FANCE: variants seen among roughly 807,000 people sequenced by gnomAD.
FANCE encodes Fanconi anemia group E protein.
Under a neutral mutation model 57.8 loss-of-function variants are expected in FANCE, and 42 were observed. The ratio of observed to expected loss-of-function variants is 0.73; its 90% CI spans 0.57 to 0.94. The LOEUF (loss-of-function observed/expected upper bound fraction) is 0.94. Among genes scored for constraint, FANCE ranks in the 40% least tolerant of loss-of-function variants. The pLI is 0.00. For missense variants in FANCE, 608 were observed against 661.8 expected, an observed-to-expected ratio of 0.92 and a Z score of 0.89; for synonymous variants, 251 against 286.4, an observed-to-expected ratio of 0.88 and a Z score of 1.25.
At chr6:35,465,165 ATATGTATG>A (rs748699969) in intron 9 of FANCE, among the ~76,000 whole-genome samples, 1 of 151,566 alleles carries the variant, frequency 6.6e-6, no homozygotes, top group African/African-American at 2.4e-5. Flanking sequence ...GGAGCTGTAT[ATATGTATG>A]TATGTATGTA....
At position 35,466,681 on chromosome 6, in the gene FANCE, C is replaced by T. The variant is rs530003616; in HGVS notation, c.*336C>T. The T allele has an allele frequency of 2.4e-6, 1 of 421,252 alleles. No homozygotes were observed. The highest frequency in any genetic ancestry group is 2.3e-5 in the South Asian group (1 of 43,306). The allele number at this position is 421,252 out of a possible 1,614,324, so 26.1% of individuals were successfully genotyped here. The stretch of plus-strand genomic sequence containing the variant: ...CCTCCCAGGCTCGATCCTCCCATGT[C>T]AGCCTCCCAAGTAGCTGGGACTACA... On this transcript the variant is annotated 3_prime_UTR_variant, in exon 10 of 10. Coordinates refer to ENST00000229769, the MANE Select transcript of FANCE (RefSeq NM_021922.3).
Position 35,454,497 on chromosome 6 carries a change from A to G in FANCE, c.249-1250A>G, listed in dbSNP as rs1401854892. Among the ~76,000 whole-genome samples the G allele has an allele frequency of 2.0e-5, 3 of 152,178 alleles. No homozygotes were observed. In the East Asian group the frequency reaches 5.8e-4, roughly 29 times the overall value. On this transcript the variant is annotated intron_variant, in intron 1 of 9. Coordinates refer to ENST00000229769, the MANE Select transcript of FANCE (RefSeq NM_021922.3). ...TGTTGACAAACGGCCCTGCAAAATT[A>G]TGCATAGGGAGGAGTAGAGACGTGA...
At chr6:35,459,815 A>G in intron 7 of FANCE, 55 bp downstream of exon 7, 1 of 1,505,158 alleles carries the variant, frequency 6.6e-7, no homozygotes, top group South Asian at 1.1e-5. Flanking sequence ...CCCAGGCTAG[A>G]GTGACATCAC....
Position 35,456,173 on chromosome 6 carries a change from GGAA to G in FANCE, c.681_683del (p.Glu227del), listed in dbSNP as rs777249237. ...CCAAAAGATTACGGTGTTGGGAAGA[GGAA>G]GAAGATCATGAGAAGGAGAGACCCG... is the stretch of plus-strand genomic sequence containing the variant. On this transcript the variant is annotated inframe_deletion, in exon 2 of 10. Coordinates refer to ENST00000229769, the MANE Select transcript of FANCE (RefSeq NM_021922.3). This position sits in a 1 kb window ranked among gnomAD's most constrained non-coding sequence, Gnocchi z 4.3. 9.3e-6 allele frequency: 15 copies of G among 1,614,076 alleles called. No individual in the cohort carries two copies. The African/African-American group carries it at 1.5e-4, about 16-fold the overall frequency.
In FANCE at chr6:35,462,848, G is replaced by A. The variant is rs1767645968; in HGVS notation, c.1443G>A (p.Leu481=). ...TGGAGAAGCTCTGTAAAAAGGGGCT[G>A]GCAGCCACCACCTCCATGGCCTATG... ...VLMEKLCKKG[L]AATTSMAYAK... Residue 481 remains leucine (L), a synonymous_variant, in exon 9 of 10, where the codon CTG becomes CTA. Transcript: ENST00000229769. 6.2e-7 allele frequency: 1 copy of A among 1,614,220 alleles called. No individual in the cohort carries two copies. The highest frequency in any genetic ancestry group is 2.2e-5 in the East Asian group (1 of 44,882).
intron 1 of FANCE, among the ~76,000 whole-genome samples, chr6:35,453,763 G>T (rs1256790999): frequency 6.6e-6 from 1 of 152,196 alleles, no homozygotes; most frequent in Non-Finnish European, 1.5e-5. Context: ...AGGAGAACTT[G>T]TCTGAATCCC....
chr6:35,459,967 G>A (rs1247866638), intron 7 of FANCE, among the ~76,000 whole-genome samples: 1 of 151,956 alleles, frequency 6.6e-6, no homozygotes, highest in Non-Finnish European at 1.5e-5. Context: ...ATTTTTTAGG[G>A]GATCCTTGTG....
intron 8 of FANCE, among the ~76,000 whole-genome samples, chr6:35,462,486 G>A (rs997508851): frequency 4.6e-5 from 7 of 152,126 alleles, no homozygotes; most frequent in Non-Finnish European, 8.8e-5. Flanking sequence ...TTTAACCACT[G>A]AACCAGATGA....
intron 1 of FANCE, among the ~76,000 whole-genome samples, 159 bp from the exon 2 acceptor site, chr6:35,455,588 G>C (rs1220287452): frequency 1.3e-5 from 2 of 152,044 alleles, no homozygotes; most frequent in Non-Finnish European, 2.9e-5. Flanking sequence ...TATAATTACA[G>C]GTGTGAGTCA....
rs1222569586 is a variant in FANCE, at chr6:35,462,665, T to C, written c.1384-124T>C. 12 of 1,278,636 alleles carry C rather than the reference T, an allele frequency of 9.4e-6. No homozygotes were observed. The East Asian group carries it at 2.9e-4, about 31-fold the overall frequency. 79.2% of individuals were successfully genotyped at this position (1,278,636 alleles called of 1,614,324 possible). A position where few individuals can be genotyped will look rare whatever the true frequency, so the allele number is the denominator to read the frequency against. On this transcript the variant is annotated intron_variant, in intron 8 of 9. Transcript: ENST00000229769. The stretch of plus-strand genomic sequence containing the variant: ...ATATGGAAATGGAGGTTTAGGTTGG[T>C]TAAGTTACCTGCCCAGGGTCACCTA...
chr6:35,462,233 G>C (rs1049266858), intron 8 of FANCE, among the ~76,000 whole-genome samples: 2 of 151,782 alleles, frequency 1.3e-5, no homozygotes, highest in Non-Finnish European at 2.9e-5. Flanking sequence ...TCAGCCCCCT[G>C]AGTAGCTGGG....
Position 35,452,661 on chromosome 6 carries a change from G to GGGCGC in FANCE, c.125_129dup (p.Leu44AlafsTer42). 2 of 1,244,014 alleles carry GGGCGC rather than the reference G, an allele frequency of 1.6e-6. No individual in the cohort carries two copies. Among genetic ancestry groups the GGGCGC allele is most frequent in the African/African-American group, 1.6e-5 (1 of 64,352 alleles). The allele number at this position is 1,244,014 out of a possible 1,614,324, so 77.1% of individuals were successfully genotyped here. On this transcript the variant is annotated frameshift_variant, in exon 1 of 10. Coordinates refer to ENST00000229769, the MANE Select transcript of FANCE (RefSeq NM_021922.3). LOFTEE classifies it high-confidence loss of function. ...CAGGCGCTGCAGGCGGGGCCTGAGG[G>GGGCGC]GGCGCGGCGCGGCCTGGGGGTGCTC... is the stretch of plus-strand genomic sequence containing the variant.
chr6:35,452,755 G>A lies in FANCE; in HGVS notation c.210G>A (p.Glu70=), dbSNP rs1008512809. 33 of 1,276,314 alleles carry A rather than the reference G, an allele frequency of 2.6e-5. No homozygotes were observed. Among genetic ancestry groups the A allele is most frequent in the Admixed American group, 3.9e-5 (1 of 25,896 alleles). 79.1% of individuals were successfully genotyped at this position (1,276,314 alleles called of 1,614,324 possible). ...GCTTGCTCGAGGCCCTGTGCCGGGA[G>A]GAGCCGGTCGTGCAGGGGCCTGACG... ...WGRLLEALCR[E]EPVVQGPDGR... Residue 70 remains glutamate, a synonymous_variant, in exon 1 of 10, where the codon GAG becomes GAA. Coordinates refer to ENST00000229769, the MANE Select transcript of FANCE (RefSeq NM_021922.3).
intron 1 of FANCE, 60 bp downstream of exon 1, chr6:35,452,853 G>C (rs1767167706): frequency 7.9e-7 from 1 of 1,261,384 alleles, no homozygotes; most frequent in Non-Finnish European, 1.0e-6. Flanking sequence ...TCGGGGGAAC[G>C]ACACACACAG....
chr6:35,452,433 A>G lies in FANCE; in HGVS notation c.-113A>G. ...GAGGAGAGCTTGTAACAGGCGCTGG[A>G]GCTGGCCCGCCACCGCCGCGTCAGG... On this transcript the variant is annotated 5_prime_UTR_variant, in exon 1 of 10. Coordinates refer to ENST00000229769, the MANE Select transcript of FANCE (RefSeq NM_021922.3). 1 of 1,086,362 alleles carries G rather than the reference A, an allele frequency of 9.2e-7. No homozygotes were observed. The highest frequency in any genetic ancestry group is 1.2e-6 in the Non-Finnish European group (1 of 864,836). 67.3% of individuals were successfully genotyped at this position (1,086,362 alleles called of 1,614,324 possible).
chr6:35,465,337 C>A (rs1318259962), intron 9 of FANCE, among the ~76,000 whole-genome samples: 1 of 152,070 alleles, frequency 6.6e-6, no homozygotes, highest in Non-Finnish European at 1.5e-5. Context: ...CCACGCCCAG[C>A]TAGTTTTTGT....
chr6:35,464,112 G>T (rs1298873918), intron 9 of FANCE, among the ~76,000 whole-genome samples: 2 of 151,950 alleles, frequency 1.3e-5, no homozygotes, highest in African/African-American at 2.4e-5. Flanking sequence ...GAGAATGGAT[G>T]GTGGTGGGGG....
rs1185107943 is a variant in FANCE at position 35,456,359 on chromosome 6, T to G, written c.855+6T>G. On this transcript the variant is annotated splice_donor_region_variant and intron_variant, in intron 2 of 9. Coordinates refer to ENST00000229769, the MANE Select transcript of FANCE (RefSeq NM_021922.3). This position sits in a 1 kb window ranked among gnomAD's most constrained non-coding sequence, Gnocchi z 4.3. Reference sequence around the variant, plus strand: ...AGTTGCCCAAAGCTATCCAGGTACTTTGGTAGGGAGACTGGGTTTAGAGTG... The same window carrying G: ...AGTTGCCCAAAGCTATCCAGGTACTGTGGTAGGGAGACTGGGTTTAGAGTG... 2.5e-6 allele frequency: 4 copies of G among 1,613,974 alleles called. No individual in the cohort carries two copies. In the African/African-American group the frequency reaches 4.0e-5, roughly 16 times the overall value.
Position 35,452,790 on chromosome 6 carries a change from A to G in FANCE, c.245A>G (p.Glu82Gly). 6 of 1,311,166 alleles carry G rather than the reference A, an allele frequency of 4.6e-6. No homozygotes were observed. The highest frequency in any genetic ancestry group is 2.0e-5 in the South Asian group (1 of 48,972). 81.2% of individuals were successfully genotyped at this position (1,311,166 alleles called of 1,614,324 possible). A position where few individuals can be genotyped will look rare whatever the true frequency, so the allele number is the denominator to read the frequency against. Residue 82 changes from glutamate to glycine, a missense_variant, in exon 1 of 10, where the codon GAG becomes GGG. Physicochemically the swap from Glu to Gly is moderately conservative, Grantham distance 98. Coordinates refer to ENST00000229769, the MANE Select transcript of FANCE (RefSeq NM_021922.3). ...PVVQGPDGRL[E>G]LKPLLLRLPR... is the part of the protein sequence containing the mutation. ...GTGCAGGGGCCTGACGGCCGTCTGGAGCTGTAAGTCCTCGCCCGCGGCCCC... is the reference window on the plus strand; with the variant it reads ...GTGCAGGGGCCTGACGGCCGTCTGGGGCTGTAAGTCCTCGCCCGCGGCCCC...
Sources: gnomAD v4.1 joint callset for allele counts (sites outside exome capture counted in the v4.1 genomes callset) on GRCh38, gnomAD v4.1.1 for gene constraint, Gnocchi (gnomAD v3.1) non-coding constraint, MANE v1.5 for transcripts, NCBI Gene and HGNC (gene_info 2026-07-23, HGNC 2026-07-21) for gene names.